The following TAF2 variants were observed in gnomAD, a reference collection of about 807,000 sequenced individuals.
The protein encoded by TAF2 is transcription initiation factor TFIID subunit 2.
In TAF2, 61 loss-of-function variants were observed where a neutral mutation model predicts 138.5. The observed-to-expected ratio is 0.44, with a 90% CI of 0.36 to 0.54. TAF2 has a LOEUF of 0.54. Among genes scored for constraint, TAF2 ranks in the 20% least tolerant of loss-of-function variants. The pLI, the probability that TAF2 is intolerant of heterozygous loss-of-function variation, is 0.00. For missense variants in TAF2, 1,090 were observed against 1,427.9 expected, an observed-to-expected ratio of 0.76 and a Z score of 3.81; for synonymous variants, 475 against 469.9, an observed-to-expected ratio of 1.01 and a Z score of -0.14.
intron 25 of TAF2, among the ~76,000 whole-genome samples, chr8:119,740,221 A>G (rs928521725): frequency 1.3e-5 from 2 of 152,140 alleles, no homozygotes; most frequent in African/African-American, 4.8e-5. Flanking sequence ...TGCTTCCCAC[A>G]TGCCAAAAGT....
At chr8:119,789,568 T>C (rs1823273803) in intron 12 of TAF2, 24 bp downstream of exon 12, 2 of 1,612,200 alleles carry the variant, frequency 1.2e-6, no homozygotes, top group Non-Finnish European at 8.5e-7. Flanking sequence ...CCCCACTCTG[T>C]TGAACTGCTA....
intron 4 of TAF2, among the ~76,000 whole-genome samples, chr8:119,804,874 G>A (rs192160924): frequency 6.6e-6 from 1 of 152,158 alleles, no homozygotes; most frequent in Admixed American, 6.5e-5. Context: ...CACGTTTTTT[G>A]TTATGCTTGA....
chr8:119,789,917 T>C (rs1053584567), intron 11 of TAF2, among the ~76,000 whole-genome samples, 171 bp from the exon 12 acceptor site: 3 of 152,182 alleles, frequency 2.0e-5, no homozygotes, highest in Non-Finnish European at 4.4e-5. Flanking sequence ...TGCAAAGATA[T>C]AAGCAGCCAG....
intron 5 of TAF2, 44 bp downstream of exon 5, chr8:119,803,834 G>A: frequency 1.9e-6 from 3 of 1,552,768 alleles, no homozygotes; most frequent in Non-Finnish European, 8.8e-7. Context: ...CATAAAAAAT[G>A]CAATTTAAAA....
chr8:119,741,306 T>A (rs898409548), intron 25 of TAF2, among the ~76,000 whole-genome samples: 2 of 152,148 alleles, frequency 1.3e-5, no homozygotes, highest in Non-Finnish European at 2.9e-5. Context: ...AATTTTTTTT[T>A]AAAGGTAAGC....
chr8:119,792,417 C>T (rs1484189276), intron 10 of TAF2, among the ~76,000 whole-genome samples: 1 of 152,110 alleles, frequency 6.6e-6, no homozygotes, highest in Non-Finnish European at 1.5e-5. Flanking sequence ...TCCCAAAGTG[C>T]TGGGATTACA....
At chr8:119,785,317 A>G (rs528937326) in intron 14 of TAF2, 51 bp from the exon 15 acceptor site, 2 of 1,301,696 alleles carry the variant, frequency 1.5e-6, no homozygotes, top group East Asian at 2.3e-5. Context: ...CTAATTCTGA[A>G]TGGACATTAA....
chr8:119,802,878 A>T (rs974419059), intron 5 of TAF2, among the ~76,000 whole-genome samples: 2 of 152,148 alleles, frequency 1.3e-5, no homozygotes, highest in Non-Finnish European at 2.9e-5. Flanking sequence ...ATGAGCCGAG[A>T]TTGCGCCACT....
intron 3 of TAF2, among the ~76,000 whole-genome samples, chr8:119,812,537 C>A (rs1434753616): frequency 1.3e-5 from 2 of 152,098 alleles, no homozygotes; most frequent in Non-Finnish European, 1.5e-5. Flanking sequence ...TCTTCACATA[C>A]CCATAGCTTA....
At chr8:119,742,691 A>C (rs1231125499) in intron 24 of TAF2, 35 bp from the exon 25 acceptor site, 3 of 1,610,278 alleles carry the variant, frequency 1.9e-6, no homozygotes, top group South Asian at 1.1e-5. Context: ...AGAGGGATTT[A>C]TTTCTTTGTT....
rs192028957 is a variant in TAF2, at chr8:119,751,875, A to G, written c.2878+4131T>C. Among the ~76,000 whole-genome samples the G allele has an allele frequency of 2.0e-3, 304 of 152,304 alleles. 2 individuals are homozygous for G. Among genetic ancestry groups the G allele is most frequent in the African/African-American group, 6.0e-3 (250 of 41,582 alleles). On this transcript the variant is annotated intron_variant, in intron 22 of 25. Coordinates refer to ENST00000378164, the MANE Select transcript of TAF2 (RefSeq NM_003184.4). ...TCTTTCTGTGGAGCATTAGTTTAAA[A>G]GCTGTCATGGGAATTGCAAAGAGCA... is the stretch of plus-strand genomic sequence containing the variant.
chr8:119,745,407 TATGTAA>T (rs755503055), intron 23 of TAF2, among the ~76,000 whole-genome samples: 8 of 145,630 alleles, frequency 5.5e-5, no homozygotes, highest in Non-Finnish European at 1.0e-4. Flanking sequence ...CTTTTTTTTC[TATGTAA>T]ATGTCTGTCT....
intron 14 of TAF2, among the ~76,000 whole-genome samples, chr8:119,786,700 T>C (rs1823034578): frequency 6.6e-6 from 1 of 152,090 alleles, no homozygotes; most frequent in South Asian, 2.1e-4. Context: ...GGTGGGCAGA[T>C]CATCTGAGGT....
At chr8:119,831,629 C>T (rs763896319) in intron 2 of TAF2, 48 bp downstream of exon 2, 1 of 1,408,700 alleles carries the variant, frequency 7.1e-7, no homozygotes, top group Admixed American at 1.7e-5. Flanking sequence ...GATTGTTACT[C>T]TTTATAGTGG....
chr8:119,761,712 A>G, intron 19 of TAF2: 1 of 152,680 alleles, frequency 6.5e-6, no homozygotes, highest in Non-Finnish European at 1.5e-5. Flanking sequence ...AGGCAGGAGA[A>G]TCACTGGAAC....
At chr8:119,821,242 G>A (rs1586541183) in intron 2 of TAF2, among the ~76,000 whole-genome samples, 1 of 152,250 alleles carries the variant, frequency 6.6e-6, no homozygotes, top group South Asian at 2.1e-4. Context: ...TTCAATCTCT[G>A]CTGCCCTTAG....
chr8:119,762,282 TG>T, intron 19 of TAF2, 132 bp downstream of exon 19: 1 of 809,758 alleles, frequency 1.2e-6, no homozygotes. Context: ...AATTTATCTG[TG>T]GGTGGTAGAA....
At chr8:119,786,888 TC>T (rs1823049630) in intron 14 of TAF2, among the ~76,000 whole-genome samples, 1 of 152,042 alleles carries the variant, frequency 6.6e-6, no homozygotes, top group African/African-American at 2.4e-5. Context: ...GCCACTGCAC[TC>T]CAGACTGGGT....
chr8:119,819,207 G>T, intron 3 of TAF2, 139 bp downstream of exon 3: 1 of 855,474 alleles, frequency 1.2e-6, no homozygotes, highest in Non-Finnish European at 1.8e-6. Flanking sequence ...AATGTACAGA[G>T]TGGTAAAACA....
Sources: gnomAD v4.1 joint callset for allele counts (sites outside exome capture counted in the v4.1 genomes callset) on GRCh38, gnomAD v4.1.1 for gene constraint, MANE v1.5 for transcripts, NCBI Gene and HGNC (gene_info 2026-07-23, HGNC 2026-07-21) for gene names.